The following ARHGAP42 variants were observed in gnomAD, a reference collection of about 807,000 sequenced individuals.
The protein encoded by ARHGAP42 is rho GTPase-activating protein 42.
ARHGAP42 carries 63 observed loss-of-function variants against 125.0 expected under a neutral mutation model. The ratio of observed to expected loss-of-function variants is 0.50; its 90% CI spans 0.41 to 0.62. ARHGAP42 has a LOEUF of 0.62. Ranked by LOEUF, ARHGAP42 falls within the 20% of genes least tolerant of loss-of-function variation. The pLI is 0.00. For missense variants in ARHGAP42, 766 were observed against 1,024.2 expected, an observed-to-expected ratio of 0.75 and a Z score of 3.44; for synonymous variants, 339 against 351.0, an observed-to-expected ratio of 0.97 and a Z score of 0.38.
chr11:100,861,413 G>A (rs768107009), intron 4 of ARHGAP42, among the ~76,000 whole-genome samples: 82 of 152,124 alleles, frequency 5.4e-4, no homozygotes, highest in Non-Finnish European at 7.2e-4. Context: ...AAACGTAAGT[G>A]GGAGAGTGAT....
chr11:100,703,940 T>C (rs1231140699), intron 1 of ARHGAP42, among the ~76,000 whole-genome samples: 1 of 152,218 alleles, frequency 6.6e-6, no homozygotes, highest in Non-Finnish European at 1.5e-5. Context: ...GTGTCTCTTA[T>C]GATACACAGA....
At chr11:100,833,582 A>G (rs1402542107) in intron 3 of ARHGAP42, among the ~76,000 whole-genome samples, 1 of 152,170 alleles carries the variant, frequency 6.6e-6, no homozygotes, top group African/African-American at 2.4e-5. Flanking sequence ...AGGATGATAT[A>G]TGGTTCTTTG....
intron 1 of ARHGAP42, among the ~76,000 whole-genome samples, chr11:100,697,309 A>G (rs1055810936): frequency 6.6e-6 from 1 of 151,672 alleles, no homozygotes; most frequent in Non-Finnish European, 1.5e-5. Context: ...CAGCCTCCCC[A>G]GTAGCTGGGA....
intron 3 of ARHGAP42, among the ~76,000 whole-genome samples, chr11:100,808,422 G>C (rs1413828248): frequency 7.9e-6 from 1 of 125,906 alleles, no homozygotes; most frequent in African/African-American, 3.1e-5. Flanking sequence ...TTTTTGAGAC[G>C]GAGTCTCGCT....
chr11:100,857,044 T>A (rs1409586007), intron 3 of ARHGAP42, among the ~76,000 whole-genome samples: 1 of 152,062 alleles, frequency 6.6e-6, no homozygotes, highest in Admixed American at 6.6e-5. Context: ...ATATTGACTT[T>A]GATCTCTATA....
intron 4 of ARHGAP42, among the ~76,000 whole-genome samples, chr11:100,908,592 TAGTA>T (rs1368198228): frequency 8.5e-5 from 13 of 152,286 alleles, no homozygotes; most frequent in African/African-American, 3.1e-4. Flanking sequence ...TATGGCTGAG[TAGTA>T]AGTATTCCAT....
chr11:100,892,273 A>G (rs1177258864), intron 4 of ARHGAP42, among the ~76,000 whole-genome samples: 1 of 152,240 alleles, frequency 6.6e-6, no homozygotes, highest in Non-Finnish European at 1.5e-5. Flanking sequence ...GTGGGTGTTA[A>G]TTAAAATAGT....
chr11:100,715,675 C>T (rs1036844748), intron 1 of ARHGAP42, among the ~76,000 whole-genome samples: 3 of 152,104 alleles, frequency 2.0e-5, no homozygotes, highest in Non-Finnish European at 4.4e-5. Flanking sequence ...TAGAGTCCTC[C>T]TCTGAGAGTG....
At chr11:100,784,584 T>A (rs1054821682) in intron 2 of ARHGAP42, among the ~76,000 whole-genome samples, 1 of 152,146 alleles carries the variant, frequency 6.6e-6, no homozygotes. Context: ...ACCAGCACAT[T>A]TATGTATTCT....
intron 3 of ARHGAP42, chr11:100,840,798 A>C (rs1265571992): frequency 6.6e-5 from 10 of 152,180 alleles, no homozygotes; most frequent in African/African-American, 2.4e-4. Context: ...AGTTGTTCCC[A>C]AATTTGTATT....
intron 10 of ARHGAP42, among the ~76,000 whole-genome samples, chr11:100,947,071 C>G (rs1451570703): frequency 6.6e-6 from 1 of 151,832 alleles, no homozygotes; most frequent in African/African-American, 2.4e-5. Context: ...CTCCTTGTTT[C>G]TCAAAATATC....
chr11:100,909,341 G>GTTTTTTTTTTTTTTTTT (rs71053157), intron 4 of ARHGAP42, among the ~76,000 whole-genome samples: 1 of 137,448 alleles, frequency 7.3e-6, no homozygotes, highest in Non-Finnish European at 1.5e-5. Context: ...GACTTTTCTT[G>GTTTTTTTTTTTTTTTTT]TTTTTTTTTT....
chr11:100,878,209 A>G (rs1017662641), intron 4 of ARHGAP42, among the ~76,000 whole-genome samples: 2 of 150,616 alleles, frequency 1.3e-5, no homozygotes, highest in South Asian at 2.1e-4. Flanking sequence ...GCTCACCGCA[A>G]CCTCCGCCTC....
intron 22 of ARHGAP42, among the ~76,000 whole-genome samples, chr11:100,983,760 C>T (rs1016853871): frequency 9.2e-5 from 14 of 152,084 alleles, no homozygotes; most frequent in Admixed American, 1.3e-4. Context: ...TTGAGGCATT[C>T]AGTATTACTT....
chr11:100,877,257 G>T (rs1865841406), intron 4 of ARHGAP42, among the ~76,000 whole-genome samples: 1 of 151,842 alleles, frequency 6.6e-6, no homozygotes, highest in African/African-American at 2.4e-5. Flanking sequence ...AAGCTCAGAT[G>T]CAGTGACACT....
intron 12 of ARHGAP42, among the ~76,000 whole-genome samples, chr11:100,957,302 C>T (rs573620563): frequency 1.6e-4 from 25 of 151,584 alleles, no homozygotes; most frequent in African/African-American, 6.1e-4. Flanking sequence ...TAGACAGGAG[C>T]AGATAGGAAA....
intron 3 of ARHGAP42, among the ~76,000 whole-genome samples, chr11:100,829,513 T>G (rs922960935): frequency 1.3e-5 from 2 of 152,150 alleles, no homozygotes; most frequent in African/African-American, 2.4e-5. Flanking sequence ...ATGCAAAGAA[T>G]CTTCTTAGCT....
intron 8 of ARHGAP42, among the ~76,000 whole-genome samples, chr11:100,941,516 G>C (rs1867883989): frequency 6.6e-6 from 1 of 152,110 alleles, no homozygotes; most frequent in Non-Finnish European, 1.5e-5. Flanking sequence ...CACTTTTTCA[G>C]GTGGGATAAC....
intron 5 of ARHGAP42, among the ~76,000 whole-genome samples, chr11:100,916,284 G>A (rs776699187): frequency 6.6e-5 from 10 of 152,128 alleles, no homozygotes; most frequent in Non-Finnish European, 1.5e-4. Flanking sequence ...AGAAAGACCT[G>A]AATGCATAAA....
Sources: gnomAD v4.1 joint callset for allele counts (sites outside exome capture counted in the v4.1 genomes callset) on GRCh38, gnomAD v4.1.1 for gene constraint, MANE v1.5 for transcripts, NCBI Gene and HGNC (gene_info 2026-07-23, HGNC 2026-07-21) for gene names.